Variants in ANO1 observed in about 807,000 individuals in gnomAD.
ANO1 encodes anoctamin 1, also known as anoctamin-1.
A neutral mutation model predicts 124.0 loss-of-function variants in ANO1; 59 were observed. The ratio of observed to expected loss-of-function variants is 0.48; its 90% CI spans 0.39 to 0.59. ANO1 has a LOEUF of 0.59. Among genes scored for constraint, ANO1 ranks in the 20% least tolerant of loss-of-function variants. The pLI is 0.00. For synonymous variants in ANO1, 529 were observed against 532.0 expected, an observed-to-expected ratio of 0.99 and a Z score of 0.08; for missense variants, 1,059 against 1,328.0, an observed-to-expected ratio of 0.80 and a Z score of 3.15.
At chr11:70,008,922 C>T (rs1856542796) in intron 1 of ANO1, among the ~76,000 whole-genome samples, 1 of 152,144 alleles carries the variant, frequency 6.6e-6, no homozygotes, top group Non-Finnish European at 1.5e-5. Flanking sequence ...CACATGGATG[C>T]AGCCTGTGTC....
chr11:70,140,938 TC>T (rs760293151), intron 11 of ANO1, among the ~76,000 whole-genome samples: 59 of 152,146 alleles, frequency 3.9e-4, no homozygotes, highest in Non-Finnish European at 6.0e-4. Flanking sequence ...GCCTCATTTT[TC>T]CTAGTCCTCA....
At chr11:70,043,361 A>T (rs1857210569) in intron 1 of ANO1, among the ~76,000 whole-genome samples, 1 of 152,230 alleles carries the variant, frequency 6.6e-6, no homozygotes, top group African/African-American at 2.4e-5. Context: ...AAGTAGTCCA[A>T]CATACCTGTG....
intron 1 of ANO1, among the ~76,000 whole-genome samples, chr11:70,038,685 C>T (rs10899519): frequency 0.019 from 2,868 of 152,190 alleles, 113 homozygotes; most frequent in East Asian, 0.16. Context: ...CCAGGACTTA[C>T]CTGGTGCAAG....
chr11:70,082,101 G>A (rs975858670), intron 1 of ANO1, among the ~76,000 whole-genome samples: 6 of 152,222 alleles, frequency 3.9e-5, no homozygotes, highest in African/African-American at 1.4e-4. Context: ...TGGGGGTTGT[G>A]GTGTTTAAGT....
intron 1 of ANO1, among the ~76,000 whole-genome samples, chr11:70,047,430 TGAGA>T (rs150568728): frequency 6.6e-6 from 1 of 152,094 alleles, no homozygotes; most frequent in South Asian, 2.1e-4. Context: ...CTTTGAATGA[TGAGA>T]GAGAGAGCTA....
intron 1 of ANO1, among the ~76,000 whole-genome samples, chr11:69,998,253 C>CT (rs1554998698): frequency 6.6e-6 from 1 of 152,256 alleles, no homozygotes; most frequent in Non-Finnish European, 1.5e-5. Flanking sequence ...ATCTAAACAT[C>CT]TACACCCCAT....
chr11:70,149,389 G>A (rs572190406), intron 11 of ANO1, among the ~76,000 whole-genome samples: 1 of 152,310 alleles, frequency 6.6e-6, no homozygotes, highest in East Asian at 1.9e-4. Flanking sequence ...GGTGGCTCAC[G>A]CCTGTAGTCC....
At chr11:70,132,199 G>C in intron 11 of ANO1, 120 bp downstream of exon 11, 1 of 1,309,370 alleles carries the variant, frequency 7.6e-7, no homozygotes, top group Non-Finnish European at 1.0e-6. Flanking sequence ...AAAAAACATA[G>C]GGGAAGGGGG....
chr11:70,082,514 C>T lies in ANO1; in HGVS notation c.108+3800C>T, dbSNP rs147466365. On this transcript the variant is annotated intron_variant, in intron 1 of 25. Transcript: ENST00000355303. Reference sequence around the variant, plus strand: ...GGTGGAGGTTGCAGTGAGCCAAGATCGCACCACTGCGCTCCAGCCTAGGCG... The same window carrying T: ...GGTGGAGGTTGCAGTGAGCCAAGATTGCACCACTGCGCTCCAGCCTAGGCG... Among the ~76,000 whole-genome samples, 325 of 152,330 alleles carry T rather than the reference C, an allele frequency of 2.1e-3. 3 individuals are homozygous for T. Among genetic ancestry groups the T allele is most frequent in the Admixed American group, 3.8e-3 (58 of 15,308 alleles).
chr11:70,086,164 G>A (rs993958515), intron 1 of ANO1, among the ~76,000 whole-genome samples: 10 of 152,236 alleles, frequency 6.6e-5, no homozygotes, highest in African/African-American at 1.2e-4. Context: ...CGGCCAGCTC[G>A]AGGGATGAGG....
Position 70,088,848 on chromosome 11 carries a change from G to A in ANO1, c.441+764G>A, listed in dbSNP as rs532527302. Among the ~76,000 whole-genome samples, 7 of 152,322 alleles carry A rather than the reference G, an allele frequency of 4.6e-5. No homozygotes were observed. The East Asian group carries it at 5.8e-4, about 13-fold the overall frequency. On this transcript the variant is annotated intron_variant, in intron 2 of 25. Transcript: ENST00000355303. ...TGGGTCCAGCTGAGCCCTGGGAGTC[G>A]TTGGTGCTCTGAAGTCCGTGGCTCT...
At chr11:69,983,695 T>C (rs2120260759), upstream of ANO1, among the ~76,000 whole-genome samples, 1 of 152,348 alleles carries the variant, frequency 6.6e-6, no homozygotes, top group South Asian at 2.1e-4. Flanking sequence ...GAGAGCAATC[T>C]TTTTAAAAAT....
chr11:70,135,762 G>T (rs1449034793), intron 11 of ANO1, among the ~76,000 whole-genome samples: 1 of 152,244 alleles, frequency 6.6e-6, no homozygotes. Flanking sequence ...AAGGAGCCCG[G>T]ATGAAGAAAG....
chr11:70,084,983 G>A (rs1239229922), intron 1 of ANO1, among the ~76,000 whole-genome samples: 1 of 152,076 alleles, frequency 6.6e-6, no homozygotes, highest in African/African-American at 2.4e-5. Context: ...AGCTTGTGGG[G>A]ACTCAGCGAG....
chr11:70,087,540 T>C (rs1359660155), intron 1 of ANO1, among the ~76,000 whole-genome samples: 1 of 152,176 alleles, frequency 6.6e-6, no homozygotes, highest in African/African-American at 2.4e-5. Flanking sequence ...AATACCTCCT[T>C]CTCGAAGTTC....
intron 8 of ANO1, among the ~76,000 whole-genome samples, chr11:70,122,586 CCT>C (rs1565223106): frequency 6.6e-6 from 1 of 151,340 alleles, no homozygotes; most frequent in African/African-American, 2.4e-5. Flanking sequence ...CACCTCCCCA[CCT>C]CTCTCTGTCT....
At chr11:70,061,429 T>A (rs1857574057) in intron 1 of ANO1, among the ~76,000 whole-genome samples, 1 of 151,572 alleles carries the variant, frequency 6.6e-6, no homozygotes, top group African/African-American at 2.4e-5. Context: ...AGAACTCCAA[T>A]TTTTGCCTCC....
At chr11:69,985,483 C>T (rs950708399), upstream of ANO1, among the ~76,000 whole-genome samples, 27 of 152,170 alleles carry the variant, frequency 1.8e-4, no homozygotes, top group Non-Finnish European at 2.4e-4. Flanking sequence ...GTCCTGCCGC[C>T]TGGGGGAGGG....
intron 6 of ANO1, among the ~76,000 whole-genome samples, chr11:70,109,752 A>G (rs376912145): frequency 1.3e-5 from 2 of 152,188 alleles, no homozygotes; most frequent in Non-Finnish European, 2.9e-5. Context: ...TGGTTGCAAT[A>G]GAAGTCCAGC....
Sources: gnomAD v4.1 joint callset for allele counts (sites outside exome capture counted in the v4.1 genomes callset) on GRCh38, gnomAD v4.1.1 for gene constraint, MANE v1.5 for transcripts, NCBI Gene and HGNC (gene_info 2026-07-23, HGNC 2026-07-21) for gene names.